The following PKNOX1 variants were observed in gnomAD, a reference collection of about 807,000 sequenced individuals.
PKNOX1 encodes the protein homeobox protein PKNOX1.
In PKNOX1, 15 loss-of-function variants were observed where a neutral mutation model predicts 51.9. The observed-to-expected ratio is 0.29, with a 90% CI of 0.19 to 0.45. The LOEUF (loss-of-function observed/expected upper bound fraction) is 0.45. Ranked by LOEUF, PKNOX1 falls within the 20% of genes least tolerant of loss-of-function variation. The pLI is 1.00. For synonymous variants in PKNOX1, 219 were observed against 211.1 expected (o/e 1.04, Z -0.32); for missense variants, 462 against 547.5 (o/e 0.84, Z 1.56).
chr21:43,029,631 C>T (rs1275552809), intron 10 of PKNOX1, among the ~76,000 whole-genome samples: 1 of 151,760 alleles, frequency 6.6e-6, no homozygotes, highest in Non-Finnish European at 1.5e-5. Context: ...CGGGGTTTCA[C>T]CGTGTTCACC....
Position 43,032,344 on chromosome 21 carries a change from CTTG to C in PKNOX1, c.*2244_*2246del. On this transcript the variant is annotated 3_prime_UTR_variant, in exon 11 of 11. Transcript: ENST00000291547. Reference sequence around the variant, plus strand: ...TCACCACCCTCCGTCTCTTCGGCTGCTTGCTCTTTAGTGTAGATTAGTGGAAGC... The same window carrying C: ...TCACCACCCTCCGTCTCTTCGGCTGCCTCTTTAGTGTAGATTAGTGGAAGC... 3.0e-6 allele frequency: 1 copy of C among 335,204 alleles called. No homozygotes were observed. Among genetic ancestry groups the C allele is most frequent in the Non-Finnish European group, 6.2e-6 (1 of 162,258 alleles). The allele number at this position is 335,204 out of a possible 1,614,324, so 20.8% of individuals were successfully genotyped here.
chr21:43,004,235 C>G, intron 1 of PKNOX1, 91 bp from the exon 2 acceptor site: 1 of 583,150 alleles, frequency 1.7e-6, no homozygotes, highest in Non-Finnish European at 3.2e-6. Context: ...GAAACTCGGT[C>G]TCAAAAAAAA....
chr21:43,011,059 GCT>G (rs1193324000), intron 4 of PKNOX1, among the ~76,000 whole-genome samples: 1 of 134,394 alleles, frequency 7.4e-6, no homozygotes, highest in African/African-American at 2.8e-5. Flanking sequence ...CTCCAAGACA[GCT>G]CTGTCTTTTT....
At chr21:43,026,807 C>T (rs1980001133) in intron 9 of PKNOX1, among the ~76,000 whole-genome samples, 1 of 149,208 alleles carries the variant, frequency 6.7e-6, no homozygotes, top group Admixed American at 6.8e-5. Context: ...GGCCTTCCCT[C>T]CCAGGTCTCG....
intron 1 of PKNOX1, among the ~76,000 whole-genome samples, chr21:42,982,845 T>A (rs914128857): frequency 1.3e-5 from 2 of 152,106 alleles, no homozygotes; most frequent in African/African-American, 4.8e-5. Context: ...GGGCTTGCTC[T>A]GTTGCCCAGG....
chr21:42,976,671 C>A (rs1041031349), intron 1 of PKNOX1, among the ~76,000 whole-genome samples: 1 of 152,198 alleles, frequency 6.6e-6, no homozygotes, highest in Non-Finnish European at 1.5e-5. Context: ...TTTGCTCATC[C>A]GTAAGAAGCA....
At position 43,030,092 on chromosome 21, in the gene PKNOX1, C is replaced by T. The variant is rs758204830; in HGVS notation, c.1302C>T (p.Ser434=). Residue 434 remains serine, a synonymous_variant, in exon 11 of 11, where the codon TCC becomes TCT. Transcript: ENST00000291547. ...ISGLVLENSD[S]LQ Reference sequence around the variant, plus strand: ...GGCTGGTCTTGGAGAACAGTGACTCCCTGCAGTAGGGGCAGGAGCAGACGC... The same window carrying T: ...GGCTGGTCTTGGAGAACAGTGACTCTCTGCAGTAGGGGCAGGAGCAGACGC... The T allele has an allele frequency of 1.3e-6, 2 of 1,597,182 alleles. No homozygotes were observed. Among genetic ancestry groups the T allele is most frequent in the African/African-American group, 2.7e-5 (2 of 74,656 alleles).
At chr21:42,993,884 C>T (rs1978362297) in intron 1 of PKNOX1, among the ~76,000 whole-genome samples, 1 of 151,868 alleles carries the variant, frequency 6.6e-6, no homozygotes, top group Non-Finnish European at 1.5e-5. Flanking sequence ...AGGCACACGC[C>T]ACCATGCCCG....
At position 43,030,627 on chromosome 21, in the gene PKNOX1, C is replaced by T. The variant is rs1980223218; in HGVS notation, c.*526C>T. 6.6e-6 allele frequency: 1 copy of T among 152,648 alleles called. No individual in the cohort carries two copies. The highest frequency in any genetic ancestry group is 2.4e-5 in the African/African-American group (1 of 41,436). The allele number at this position is 152,648 out of a possible 1,614,324, so 9.5% of individuals were successfully genotyped here. On this transcript the variant is annotated 3_prime_UTR_variant, in exon 11 of 11. Coordinates refer to ENST00000291547, the MANE Select transcript of PKNOX1 (RefSeq NM_004571.5). The stretch of plus-strand genomic sequence containing the variant: ...TAGCAAGCCTAAGTCCCCTCATGTT[C>T]AGTGAGCCTGTTTCATTTGCTATAT...
intron 4 of PKNOX1, among the ~76,000 whole-genome samples, chr21:43,012,169 T>C (rs906175840): frequency 2.0e-5 from 3 of 152,242 alleles, no homozygotes; most frequent in African/African-American, 7.2e-5. Context: ...TGCTGATTCA[T>C]AGGCAGCTGG....
At chr21:43,005,198 C>T (rs1978932347) in intron 2 of PKNOX1, among the ~76,000 whole-genome samples, 2 of 152,138 alleles carry the variant, frequency 1.3e-5, no homozygotes, top group Admixed American at 6.5e-5. Context: ...ACTTTCCTGC[C>T]CAGCAGGCAG....
chr21:43,002,170 T>G (rs529195090), intron 1 of PKNOX1, among the ~76,000 whole-genome samples: 7 of 152,224 alleles, frequency 4.6e-5, no homozygotes, highest in African/African-American at 1.4e-4. Context: ...CGTGTCTTTT[T>G]GGAGGACACA....
chr21:42,996,547 G>A (rs34127035), intron 1 of PKNOX1, among the ~76,000 whole-genome samples: 5,341 of 152,204 alleles, frequency 0.035, 136 homozygotes, highest in Middle Eastern at 0.061. Flanking sequence ...ACTTAAAAAT[G>A]GAGTCTCACC....
chr21:43,024,706 A>G (rs1198644551), intron 8 of PKNOX1, 165 bp from the exon 9 acceptor site: 4 of 599,134 alleles, frequency 6.7e-6, no homozygotes, highest in Non-Finnish European at 1.2e-5. Context: ...TCCTGGGACG[A>G]GGAGAAACAC....
chr21:42,979,508 C>T (rs963565966), intron 1 of PKNOX1, among the ~76,000 whole-genome samples: 4 of 152,098 alleles, frequency 2.6e-5, no homozygotes, highest in Non-Finnish European at 4.4e-5. Context: ...TTTGGGAGGC[C>T]GAGGCGGGTG....
chr21:43,019,147 CT>C (rs1979641669), intron 7 of PKNOX1, among the ~76,000 whole-genome samples: 1 of 148,446 alleles, frequency 6.7e-6, no homozygotes, highest in Non-Finnish European at 1.5e-5. Flanking sequence ...GATCCCAGCA[CT>C]TTGGGAGGCC....
chr21:42,975,932 A>G (rs772079520), intron 1 of PKNOX1, among the ~76,000 whole-genome samples: 7 of 152,396 alleles, frequency 4.6e-5, no homozygotes, highest in Non-Finnish European at 1.0e-4. Context: ...TCTAAACATA[A>G]GGAAGAATCG....
chr21:43,010,030 T>TC, intron 3 of PKNOX1, 23 bp from the exon 4 acceptor site: 3 of 1,487,846 alleles, frequency 2.0e-6, no homozygotes, highest in Non-Finnish European at 9.0e-7. Flanking sequence ...GTAAATGGAT[T>TC]CTTTTTTTTC....
intron 1 of PKNOX1, among the ~76,000 whole-genome samples, chr21:42,983,989 G>A (rs1255564321): frequency 1.3e-5 from 2 of 151,820 alleles, no homozygotes; most frequent in East Asian, 1.9e-4. Context: ...CATGTTCATC[G>A]GCCATTTACA....
Sources: allele counts gnomAD v4.1 joint callset (sites outside exome capture counted in the v4.1 genomes callset), GRCh38; gene constraint gnomAD v4.1.1; transcripts MANE v1.5; gene names NCBI Gene and HGNC (gene_info 2026-07-23, HGNC 2026-07-21).